GABBR2: variants seen among roughly 807,000 people sequenced by gnomAD.
GABBR2 encodes the protein G-protein coupled receptor 51.
GABBR2 carries 23 observed loss-of-function variants against 105.6 expected under a neutral mutation model. That is an observed-to-expected ratio of 0.22 (90% CI 0.16 to 0.31). The LOEUF (loss-of-function observed/expected upper bound fraction) is 0.31. Among genes scored for constraint, GABBR2 ranks in the 10% least tolerant of loss-of-function variants. The pLI is 1.00. For missense variants in GABBR2, 734 were observed against 1,245.5 expected (o/e 0.59, Z 6.18); for synonymous variants, 478 against 499.7 (o/e 0.96, Z 0.58).
chr9:98,339,420 A>G (rs1440042409), intron 13 of GABBR2, among the ~76,000 whole-genome samples: 2 of 152,138 alleles, frequency 1.3e-5, no homozygotes, highest in African/African-American at 4.8e-5. Flanking sequence ...CACCACAAAC[A>G]ACTCAGTGAC....
At chr9:98,501,678 G>A (rs980681784) in intron 3 of GABBR2, among the ~76,000 whole-genome samples, 4 of 152,144 alleles carry the variant, frequency 2.6e-5, no homozygotes, top group African/African-American at 4.8e-5. Context: ...CCACAGGCAC[G>A]GGCTGATGGA....
At chr9:98,517,135 C>T (rs1381881720) in intron 3 of GABBR2, among the ~76,000 whole-genome samples, 1 of 152,232 alleles carries the variant, frequency 6.6e-6, no homozygotes, top group Non-Finnish European at 1.5e-5. Flanking sequence ...CAGCCTCATT[C>T]AAGGTCACAC....
intron 1 of GABBR2, among the ~76,000 whole-genome samples, chr9:98,693,947 C>T (rs1830716850): frequency 1.3e-5 from 2 of 152,238 alleles, no homozygotes; most frequent in South Asian, 4.1e-4. Context: ...CCTGGCTGCT[C>T]TCCTTTTGAG....
At chr9:98,361,648 T>C (rs960500210) in intron 13 of GABBR2, among the ~76,000 whole-genome samples, 5 of 152,208 alleles carry the variant, frequency 3.3e-5, no homozygotes, top group African/African-American at 9.6e-5. Context: ...ACTCAGTTCC[T>C]GCCCCCTTGG....
chr9:98,513,685 T>C (rs1488530209), intron 3 of GABBR2, among the ~76,000 whole-genome samples: 2 of 152,056 alleles, frequency 1.3e-5, no homozygotes, highest in Non-Finnish European at 2.9e-5. Context: ...ATCAGAGAAG[T>C]GCAAATCAAA....
chr9:98,633,585 T>C (rs1425147624), intron 1 of GABBR2, among the ~76,000 whole-genome samples: 2 of 144,938 alleles, frequency 1.4e-5, no homozygotes, highest in Non-Finnish European at 1.5e-5. Flanking sequence ...GATCTCACCA[T>C]TGCACTCCAG....
intron 6 of GABBR2, among the ~76,000 whole-genome samples, chr9:98,458,428 G>T (rs1480735590): frequency 6.6e-6 from 1 of 152,216 alleles, no homozygotes; most frequent in East Asian, 1.9e-4. Context: ...CCACGGCTGG[G>T]CACGGTGTCC....
intron 18 of GABBR2, among the ~76,000 whole-genome samples, chr9:98,292,963 G>A (rs1377569178): frequency 6.6e-6 from 1 of 152,216 alleles, no homozygotes; most frequent in Non-Finnish European, 1.5e-5. Context: ...CTCACTCACT[G>A]TCCTGGACTG....
intron 6 of GABBR2, among the ~76,000 whole-genome samples, chr9:98,456,330 C>G (rs1424505548): frequency 6.6e-6 from 1 of 152,218 alleles, no homozygotes; most frequent in Non-Finnish European, 1.5e-5. Flanking sequence ...TCTCAGCATT[C>G]AAATGTCAGC....
At chr9:98,390,204 G>A (rs531755585) in intron 9 of GABBR2, among the ~76,000 whole-genome samples, 4 of 151,942 alleles carry the variant, frequency 2.6e-5, no homozygotes, top group East Asian at 1.9e-4. Flanking sequence ...GGGAAACCCC[G>A]TCTCTACCGA....
chr9:98,610,793 A>C (rs1190872232), intron 1 of GABBR2, among the ~76,000 whole-genome samples: 1 of 151,770 alleles, frequency 6.6e-6, no homozygotes, highest in Admixed American at 6.6e-5. Flanking sequence ...AAAAAAAAAA[A>C]CGTGTGCTGT....
At chr9:98,421,784 A>G (rs912793617) in intron 7 of GABBR2, among the ~76,000 whole-genome samples, 3 of 152,364 alleles carry the variant, frequency 2.0e-5, no homozygotes, top group African/African-American at 7.2e-5. Context: ...AAACTGGTTG[A>G]CTATATAAGG....
intron 7 of GABBR2, among the ~76,000 whole-genome samples, chr9:98,450,947 G>A (rs4743229): frequency 0.74 from 113,115 of 152,086 alleles, 42,318 homozygotes; most frequent in East Asian, 0.89. Context: ...TTCTAGGATT[G>A]TGAAGGGTGG....
chr9:98,350,059 T>G (rs1405697256), intron 13 of GABBR2, among the ~76,000 whole-genome samples: 1 of 152,160 alleles, frequency 6.6e-6, no homozygotes, highest in Non-Finnish European at 1.5e-5. Context: ...TAGTCTCTAG[T>G]GATCCTCTGT....
intron 7 of GABBR2, among the ~76,000 whole-genome samples, chr9:98,436,627 A>G (rs1320220202): frequency 6.6e-6 from 1 of 151,154 alleles, no homozygotes; most frequent in African/African-American, 2.4e-5. Context: ...TGCAGGCTCC[A>G]TGCCCCGTGC....
At chr9:98,648,891 C>G (rs545267214) in intron 1 of GABBR2, among the ~76,000 whole-genome samples, 8 of 152,162 alleles carry the variant, frequency 5.3e-5, no homozygotes, top group Non-Finnish European at 8.8e-5. Flanking sequence ...TTGGGATGAC[C>G]TCACTGAACT....
intron 7 of GABBR2, among the ~76,000 whole-genome samples, chr9:98,408,349 GA>G (rs1394719698): frequency 1.3e-5 from 2 of 152,186 alleles, no homozygotes; most frequent in Non-Finnish European, 2.9e-5. Flanking sequence ...CTGGGGTGAC[GA>G]AGTGCTGATG....
chr9:98,393,093 ACCAT>A (rs1832218187), intron 9 of GABBR2, among the ~76,000 whole-genome samples: 1 of 124,642 alleles, frequency 8.0e-6, no homozygotes, highest in Non-Finnish European at 1.7e-5. Flanking sequence ...CATCCACCCA[ACCAT>A]CCATCCATCC....
At chr9:98,413,506 A>T (rs894755780) in intron 7 of GABBR2, among the ~76,000 whole-genome samples, 6 of 152,032 alleles carry the variant, frequency 3.9e-5, no homozygotes, top group African/African-American at 1.4e-4. Context: ...TTTTGTACAC[A>T]ATTTAAAATA....
Sources: gnomAD v4.1 joint callset for allele counts (sites outside exome capture counted in the v4.1 genomes callset) on GRCh38, gnomAD v4.1.1 for gene constraint, MANE v1.5 for transcripts, NCBI Gene and HGNC (gene_info 2026-07-23, HGNC 2026-07-21) for gene names.